Variants in PCDH11X observed in about 807,000 individuals in gnomAD.
PCDH11X encodes the protein protocadherin-11 X-linked.
Under a neutral mutation model 53.3 loss-of-function variants are expected in PCDH11X, and 18 were observed. The observed-to-expected ratio is 0.34, with a 90% CI of 0.23 to 0.50. The LOEUF (loss-of-function observed/expected upper bound fraction) is 0.50, where lower values mean the gene tolerates loss of function less well. Ranked by LOEUF, PCDH11X falls within the 20% of genes least tolerant of loss-of-function variation. PCDH11X has a pLI of 0.98. For missense variants in PCDH11X, 570 were observed against 1,032.4 expected, an observed-to-expected ratio of 0.55 and a Z score of 6.14; for synonymous variants, 279 against 393.3, an observed-to-expected ratio of 0.71 and a Z score of 3.44.
intron 6 of PCDH11X, among the ~76,000 whole-genome samples, chrX:92,071,715 G>A (rs184969892): frequency 7.7e-4 from 86 of 111,226 alleles, no homozygotes; most frequent in African/African-American, 2.7e-3. Flanking sequence ...ATATCTGGAA[G>A]AATTCTTGGA....
intron 1 of PCDH11X, among the ~76,000 whole-genome samples, chrX:91,805,912 T>C (rs1246105498): frequency 1.8e-5 from 2 of 109,630 alleles, no homozygotes; most frequent in Non-Finnish European, 3.8e-5. Context: ...AAAATAATAT[T>C]TGTTAATATG....
At chrX:92,091,133 G>A (rs1425774537) in intron 6 of PCDH11X, among the ~76,000 whole-genome samples, 1 of 111,185 alleles carries the variant, frequency 9.0e-6, no homozygotes, top group African/African-American at 3.3e-5. Flanking sequence ...AACATAAGTA[G>A]CAATGCTTTA....
intron 7 of PCDH11X, among the ~76,000 whole-genome samples, chrX:92,213,575 T>A (rs1603189138): frequency 8.9e-6 from 1 of 111,931 alleles, no homozygotes; most frequent in Non-Finnish European, 1.9e-5. Context: ...AGCAAACATG[T>A]ATCCCAGGTG....
chrX:91,793,390 T>A (rs1229547789), intron 1 of PCDH11X, among the ~76,000 whole-genome samples: 1 of 110,561 alleles, frequency 9.0e-6, no homozygotes, highest in Admixed American at 9.7e-5. Context: ...TTTTAGGAGT[T>A]TTAAATTTGT....
At chrX:91,871,237 C>T (rs1939288843) in intron 5 of PCDH11X, among the ~76,000 whole-genome samples, 1 of 110,404 alleles carries the variant, frequency 9.1e-6, no homozygotes, top group African/African-American at 3.3e-5. Flanking sequence ...TTTTCTAAAA[C>T]AGCCATGTTA....
chrX:92,032,241 G>A (rs1392901021), intron 6 of PCDH11X, among the ~76,000 whole-genome samples: 1 of 108,303 alleles, frequency 9.2e-6, no homozygotes, highest in African/African-American at 3.4e-5. Flanking sequence ...TTTTATTTGT[G>A]GCTATTGTAA....
At chrX:91,926,076 G>GCACACACACACACACA (rs4022270) in intron 6 of PCDH11X, among the ~76,000 whole-genome samples, 1 of 83,128 alleles carries the variant, frequency 1.2e-5, no homozygotes, top group Non-Finnish European at 2.3e-5. Flanking sequence ...ACACAAACAC[G>GCACACACACACACACA]CACACACACA....
At chrX:92,086,132 A>G (rs1319074903) in intron 6 of PCDH11X, among the ~76,000 whole-genome samples, 1 of 111,500 alleles carries the variant, frequency 9.0e-6, no homozygotes, top group Admixed American at 9.6e-5. Flanking sequence ...GCTTGTCTTA[A>G]ATTTTTGTTG....
intron 6 of PCDH11X, among the ~76,000 whole-genome samples, chrX:91,903,559 T>A (rs977448922): frequency 9.1e-6 from 1 of 109,558 alleles, no homozygotes; most frequent in Admixed American, 9.9e-5. Context: ...TTCATTCATA[T>A]TTTTTTATAG....
intron 10 of PCDH11X, among the ~76,000 whole-genome samples, chrX:92,597,025 C>T (rs778403212): frequency 1.8e-5 from 2 of 111,150 alleles, no homozygotes; most frequent in Admixed American, 1.9e-4. Flanking sequence ...ACTGAACACA[C>T]TACAACATAA....
intron 6 of PCDH11X, among the ~76,000 whole-genome samples, chrX:92,168,430 T>C (rs1247780351): frequency 1.8e-5 from 2 of 109,934 alleles, no homozygotes; most frequent in East Asian, 5.8e-4. Flanking sequence ...TGGTGGTGCT[T>C]GCCAGTAGTC....
At chrX:92,168,431 G>A (rs1220218072) in intron 6 of PCDH11X, among the ~76,000 whole-genome samples, 1 of 110,117 alleles carries the variant, frequency 9.1e-6, no homozygotes, top group Non-Finnish European at 1.9e-5. Context: ...GGTGGTGCTT[G>A]CCAGTAGTCT....
At chrX:92,598,087 A>G (rs1283912247) in intron 10 of PCDH11X, among the ~76,000 whole-genome samples, 2 of 111,848 alleles carry the variant, frequency 1.8e-5, no homozygotes, top group Non-Finnish European at 3.8e-5. Flanking sequence ...AAAGAAAACT[A>G]TTAAAAGGAA....
intron 10 of PCDH11X, among the ~76,000 whole-genome samples, chrX:92,545,569 T>C (rs2074839182): frequency 9.2e-6 from 1 of 108,915 alleles, no homozygotes; most frequent in Admixed American, 9.9e-5. Flanking sequence ...GCCGGGCTAA[T>C]TTTTGTATTT....
At chrX:92,471,729 C>T (rs1484385535) in intron 10 of PCDH11X, among the ~76,000 whole-genome samples, 10 of 102,954 alleles carry the variant, frequency 9.7e-5, no homozygotes, top group Non-Finnish European at 1.4e-4. Flanking sequence ...CTCTCACCAC[C>T]GGTGGATAAG....
chrX:92,217,911 G>A (rs1313286872), intron 7 of PCDH11X, among the ~76,000 whole-genome samples: 10 of 109,136 alleles, frequency 9.2e-5, no homozygotes, highest in Non-Finnish European at 1.5e-4. Flanking sequence ...ACTCAAAACC[G>A]CTCAACTACA....
chrX:92,147,117 T>G (rs73245211), intron 6 of PCDH11X, among the ~76,000 whole-genome samples: 1 of 109,196 alleles, frequency 9.2e-6, no homozygotes, highest in Non-Finnish European at 1.9e-5. Flanking sequence ...AGAGACATTA[T>G]TATTATTATT....
At chrX:92,337,583 C>T (rs1438529396) in intron 8 of PCDH11X, among the ~76,000 whole-genome samples, 1 of 109,728 alleles carries the variant, frequency 9.1e-6, no homozygotes, top group Non-Finnish European at 1.9e-5. Flanking sequence ...GAAAGAAAGA[C>T]ATAATAATTT....
intron 6 of PCDH11X, among the ~76,000 whole-genome samples, chrX:92,147,810 C>CCTTCCTTTCTTT (rs1556065507): frequency 1.4e-4 from 10 of 70,205 alleles, no homozygotes; most frequent in Non-Finnish European, 1.3e-4. Context: ...TTTCTTCCTT[C>CCTTCCTTTCTTT]CTTTCTTTCT....
Sources: allele counts gnomAD v4.1 joint callset (sites outside exome capture counted in the v4.1 genomes callset), GRCh38; gene constraint gnomAD v4.1.1; transcripts MANE v1.5; gene names NCBI Gene and HGNC (gene_info 2026-07-23, HGNC 2026-07-21).